CDH18: variants seen among roughly 807,000 people sequenced by gnomAD.
CDH18 encodes cadherin-18.
In CDH18, 31 loss-of-function variants were observed where a neutral mutation model predicts 67.9. That is an observed-to-expected ratio of 0.46 (90% CI 0.34 to 0.62). CDH18 has a LOEUF of 0.62. CDH18 is among the 20% of genes least tolerant of loss of function. The probability of loss-of-function intolerance (pLI) is 0.01; values close to 1 mark genes in which losing one functional copy is unlikely to be tolerated. For missense variants in CDH18, 890 were observed against 975.5 expected, an observed-to-expected ratio of 0.91 and a Z score of 1.17; for synonymous variants, 362 against 347.2, an observed-to-expected ratio of 1.04 and a Z score of -0.48.
At chr5:20,447,799 A>G (rs531847051) in intron 1 of CDH18, among the ~76,000 whole-genome samples, 3 of 152,212 alleles carry the variant, frequency 2.0e-5, no homozygotes, top group Admixed American at 2.0e-4. Context: ...TCCGTTTACT[A>G]CTCACACATG....
At chr5:19,572,588 T>G (rs1232764170) in intron 7 of CDH18, among the ~76,000 whole-genome samples, 3 of 152,190 alleles carry the variant, frequency 2.0e-5, no homozygotes, top group Admixed American at 2.0e-4. Flanking sequence ...TGGTGTCTGG[T>G]AGGCATCCTC....
intron 1 of CDH18, among the ~76,000 whole-genome samples, chr5:20,457,595 G>T (rs1172778049): frequency 1.3e-5 from 2 of 152,094 alleles, no homozygotes; most frequent in Non-Finnish European, 2.9e-5. Flanking sequence ...GTGATGGGCT[G>T]GATGTTAAAT....
At position 19,868,094 on chromosome 5, in the gene CDH18, ATACAT is replaced by A. The variant is rs533578086; in HGVS notation, c.-256-28857_-256-28853del. Reference sequence around the variant, plus strand: ...TGAGTCAATTAAACCTCTTTCTTTTATACATTACCCAGTCTCAGCAGTTCTTTACA... The same window carrying A: ...TGAGTCAATTAAACCTCTTTCTTTTATACCCAGTCTCAGCAGTTCTTTACA... On this transcript the variant is annotated intron_variant, in intron 2 of 12. Coordinates refer to ENST00000382275, the MANE Select transcript of CDH18 (RefSeq NM_004934.5). Among the ~76,000 whole-genome samples the A allele has an allele frequency of 5.7e-3, 861 of 152,328 alleles. 9 individuals carry two copies. Among genetic ancestry groups the A allele is most frequent in the African/African-American group, 0.02 (836 of 41,574 alleles).
intron 2 of CDH18, among the ~76,000 whole-genome samples, chr5:20,110,740 C>A (rs535614546): frequency 3.3e-5 from 5 of 152,114 alleles, no homozygotes; most frequent in Non-Finnish European, 7.3e-5. Flanking sequence ...AAAATATGAC[C>A]AATTACTTTA....
At chr5:19,741,659 C>T (rs1339955421) in intron 4 of CDH18, among the ~76,000 whole-genome samples, 2 of 152,112 alleles carry the variant, frequency 1.3e-5, no homozygotes, top group African/African-American at 2.4e-5. Flanking sequence ...CATTCTGGCA[C>T]TATGAAAGTC....
At chr5:20,348,065 C>A (rs1740854673) in intron 1 of CDH18, among the ~76,000 whole-genome samples, 2 of 152,174 alleles carry the variant, frequency 1.3e-5, no homozygotes, top group Non-Finnish European at 2.9e-5. Flanking sequence ...ACTCTCAACT[C>A]TTTTCTTGAA....
At chr5:19,951,366 C>A (rs370930162) in intron 2 of CDH18, among the ~76,000 whole-genome samples, 1 of 152,056 alleles carries the variant, frequency 6.6e-6, no homozygotes, top group South Asian at 2.1e-4. Flanking sequence ...CTTTAAAGGA[C>A]GGTTATCTAA....
chr5:19,548,010 TAAG>T (rs1415467241), intron 8 of CDH18, among the ~76,000 whole-genome samples: 2 of 152,140 alleles, frequency 1.3e-5, no homozygotes, highest in African/African-American at 2.4e-5. Context: ...TATTTAGAAT[TAAG>T]AAGTGACATG....
At chr5:19,574,718 A>G (rs1256354005) in intron 7 of CDH18, among the ~76,000 whole-genome samples, 1 of 151,596 alleles carries the variant, frequency 6.6e-6, no homozygotes, top group Non-Finnish European at 1.5e-5. Context: ...GTAAACTATT[A>G]AAGTTGTCTT....
chr5:19,880,194 C>T (rs1024238707), intron 2 of CDH18, among the ~76,000 whole-genome samples: 3 of 151,890 alleles, frequency 2.0e-5, no homozygotes, highest in Non-Finnish European at 4.4e-5. Flanking sequence ...CAAAACCACA[C>T]ACTGAAACTC....
At chr5:19,934,455 C>T (rs1794027118) in intron 2 of CDH18, among the ~76,000 whole-genome samples, 1 of 151,356 alleles carries the variant, frequency 6.6e-6, no homozygotes, top group Non-Finnish European at 1.5e-5. Context: ...ACAAGCCTTC[C>T]CTTTCTAACA....
At position 20,101,823 on chromosome 5, in the gene CDH18, C is replaced by A. The variant is rs183138875; in HGVS notation, c.-517-109809G>T. Among the ~76,000 whole-genome samples, 100 of 152,294 alleles carry A rather than the reference C, an allele frequency of 6.6e-4. 1 individual carries two copies. In the South Asian group the frequency reaches 0.018, roughly 27 times the overall value. ...GCGTGTTGGCTCACGTCTATAATCCCAGCATTTTGGGAGGCCGAGGCGGGC... is the reference window on the plus strand; with the variant it reads ...GCGTGTTGGCTCACGTCTATAATCCAAGCATTTTGGGAGGCCGAGGCGGGC... On this transcript the variant is annotated intron_variant, in intron 2 of 14. Transcript: ENST00000507958.
chr5:19,824,466 G>A (rs1345192173), intron 3 of CDH18, among the ~76,000 whole-genome samples: 3 of 152,160 alleles, frequency 2.0e-5, no homozygotes, highest in Non-Finnish European at 4.4e-5. Flanking sequence ...CTGGAAATGA[G>A]AGAATCCTCC....
intron 1 of CDH18, among the ~76,000 whole-genome samples, chr5:20,503,962 C>T (rs1427743874): frequency 3.3e-5 from 5 of 151,438 alleles, no homozygotes; most frequent in African/African-American, 1.2e-4. Flanking sequence ...CGCTTGAACC[C>T]GAGAGGCGGA....
chr5:20,062,862 G>A (rs955660614), intron 2 of CDH18, among the ~76,000 whole-genome samples: 4 of 152,110 alleles, frequency 2.6e-5, no homozygotes, highest in African/African-American at 9.6e-5. Flanking sequence ...ATTCCAGAAG[G>A]AAATGCACAA....
At chr5:19,947,632 C>T (rs772297009) in intron 2 of CDH18, among the ~76,000 whole-genome samples, 15 of 148,886 alleles carry the variant, frequency 1.0e-4, no homozygotes, top group Non-Finnish European at 1.9e-4. Context: ...GGTGTGGCGC[C>T]TGCGCCTGCA....
intron 1 of CDH18, among the ~76,000 whole-genome samples, chr5:20,536,237 T>G (rs924518837): frequency 6.6e-6 from 1 of 152,134 alleles, no homozygotes; most frequent in African/African-American, 2.4e-5. Flanking sequence ...TTTGTTAACG[T>G]GAATTTTTTA....
chr5:19,885,624 G>A (rs947086458), intron 2 of CDH18, among the ~76,000 whole-genome samples: 3 of 152,120 alleles, frequency 2.0e-5, no homozygotes, highest in East Asian at 1.9e-4. Flanking sequence ...ACAGTGGTGC[G>A]ATCATAGCTC....
intron 2 of CDH18, among the ~76,000 whole-genome samples, chr5:20,008,231 T>C (rs1449051134): frequency 6.6e-6 from 1 of 152,096 alleles, no homozygotes; most frequent in Non-Finnish European, 1.5e-5. Flanking sequence ...TGTTTGAGAA[T>C]ATAAAAAAAA....
Sources: allele counts gnomAD v4.1 joint callset (sites outside exome capture counted in the v4.1 genomes callset), GRCh38; gene constraint gnomAD v4.1.1; transcripts MANE v1.5; gene names NCBI Gene and HGNC (gene_info 2026-07-23, HGNC 2026-07-21).